The following LILRA2 variants were observed in gnomAD, a reference collection of about 807,000 sequenced individuals.
LILRA2 encodes the protein leukocyte immunoglobulin like receptor A2, also known as leukocyte immunoglobulin-like receptor subfamily A member 2.
A neutral mutation model predicts 47.9 loss-of-function variants in LILRA2; 45 were observed. That is an observed-to-expected ratio of 0.94 (90% CI 0.74 to 1.20). The LOEUF (loss-of-function observed/expected upper bound fraction) is 1.20, where lower values mean the gene tolerates loss of function less well. Among genes scored for constraint, LILRA2 ranks in the 50% most tolerant of loss-of-function variants. LILRA2 has a pLI of 0.00. For missense variants in LILRA2, 651 were observed against 598.2 expected, an observed-to-expected ratio of 1.09 and a Z score of -0.92; for synonymous variants, 279 against 249.2, an observed-to-expected ratio of 1.12 and a Z score of -1.13.
In LILRA2 at chr19:54,574,427, C is replaced by T. The variant is rs996076236; in HGVS notation, c.197C>T (p.Ser66Leu). 6.2e-7 allele frequency: 1 copy of T among 1,614,020 alleles called. No individual in the cohort carries two copies. The highest frequency in any genetic ancestry group is 8.5e-7 in the Non-Finnish European group (1 of 1,180,012). Residue 66 changes from serine to leucine, a missense_variant, in exon 3 of 8, where the codon TCA (serine) becomes TTA (leucine). Ser to Leu is a moderately radical substitution (Grantham distance 145). Transcript: ENST00000391738. The stretch of plus-strand genomic sequence containing the variant: ...TACCATCTATATAGGGAAAACAAAT[C>T]AGCATCCTGGGTTAGACGGATACAA... The part of the protein sequence containing the change: ...EEYHLYRENK[S>L]ASWVRRIQEP...
chr19:54,573,634 G>C (rs1238003572), upstream of LILRA2: 12 of 596,570 alleles, frequency 2.0e-5, no homozygotes, highest in South Asian at 2.3e-4. Flanking sequence ...TGGCTGGGGG[G>C]CAGGAAAGAC....
rs1186378981 is a variant in LILRA2 at position 54,575,432 on chromosome 19, G to A, written c.832G>A (p.Ala278Thr). Residue 278 changes from alanine (A) to threonine (T), a missense_variant, in exon 5 of 8, where the codon GCC (alanine) becomes ACC (threonine). Physicochemically the swap from Ala to Thr is moderately conservative, Grantham distance 58 (BLOSUM62 0). Transcript: ENST00000391738. ...GWQPQAGLSQ[A>T]NFTLGPVSPS... is the part of the protein sequence containing the mutation. The stretch of plus-strand genomic sequence containing the variant: ...GCAGCCCCAGGCTGGGCTCTCCCAG[G>A]CCAACTTCACCCTGGGCCCTGTGAG... The A allele has an allele frequency of 1.9e-6, 3 of 1,613,996 alleles. No individual in the cohort carries two copies. Among genetic ancestry groups the A allele is most frequent in the Non-Finnish European group, 2.5e-6 (3 of 1,179,972 alleles).
chr19:54,575,978 A>G lies in LILRA2; in HGVS notation c.1124A>G (p.Gln375Arg). 1.2e-6 allele frequency: 2 copies of G among 1,614,032 alleles called. No individual in the cohort carries two copies. The highest frequency in any genetic ancestry group is 1.7e-6 in the Non-Finnish European group (2 of 1,179,968). Residue 375 changes from glutamine to arginine, a missense_variant, in exon 6 of 8, where the codon CAG becomes CGG. Transcript: ENST00000391738. ...CTGAGATCAGAGCACCAAGCTCAGC[A>G]GAACCAGGCTGAATTCCGCATGGGT... ...LHLRSEHQAQ[Q>R]NQAEFRMGPV...
chr19:54,575,324 C>A lies in LILRA2; in HGVS notation c.724C>A (p.Leu242Ile). Reference sequence around the variant, plus strand: ...GGTGGCCCCTGGGGAGAGCCTGACCCTCCAGTGTGTCTCTGATGTCGGCTA... The same window carrying A: ...GGTGGCCCCTGGGGAGAGCCTGACCATCCAGTGTGTCTCTGATGTCGGCTA... ...PMVAPGESLT[L>I]QCVSDVGYDR... Residue 242 changes from leucine (L) to isoleucine (I), a missense_variant, in exon 5 of 8, where the codon CTC becomes ATC. By Grantham distance (5) the Leu-to-Ile change is conservative. Transcript: ENST00000391738. The A allele has an allele frequency of 6.6e-7, 1 of 1,525,200 alleles. No homozygotes were observed. Among genetic ancestry groups the A allele is most frequent in the East Asian group, 2.3e-5 (1 of 43,466 alleles). The allele number at this position is 1,525,200 out of a possible 1,614,324, so 94.5% of individuals were successfully genotyped here. A position where few individuals can be genotyped will look rare whatever the true frequency, so the allele number is the denominator to read the frequency against.
chr19:54,576,900 C>T (rs2062468815), intron 6 of LILRA2, among the ~76,000 whole-genome samples: 1 of 152,256 alleles, frequency 6.6e-6, no homozygotes, highest in Non-Finnish European at 1.5e-5. Flanking sequence ...CTGGACTCCT[C>T]ATCTGAATAA....
chr19:54,585,947 G>A (rs1327211545), intron 6 of LILRA2, among the ~76,000 whole-genome samples: 2 of 152,190 alleles, frequency 1.3e-5, no homozygotes, highest in Admixed American at 1.3e-4. Flanking sequence ...CCATGAGAAA[G>A]TGACTGGTTT....
At chr19:54,573,653 A>T (rs28384502), upstream of LILRA2, 561,619 of 842,056 alleles carry the variant, frequency 0.67, 178,133 homozygotes, top group African/African-American at 0.82. Flanking sequence ...ACCCCATTAC[A>T]GTCTGAAATG....
intron 6 of LILRA2, among the ~76,000 whole-genome samples, chr19:54,581,703 G>A (rs1181090355): frequency 6.6e-6 from 1 of 151,412 alleles, no homozygotes; most frequent in Non-Finnish European, 1.5e-5. Flanking sequence ...ATGCTCATGG[G>A]TAAGAAGAAT....
intron 6 of LILRA2, among the ~76,000 whole-genome samples, chr19:54,581,379 A>G (rs111615291): frequency 5.2e-5 from 4 of 77,502 alleles, no homozygotes; most frequent in Non-Finnish European, 9.9e-5. Flanking sequence ...TGATTTTTGT[A>G]TAAGGTGTAA....
intron 6 of LILRA2, among the ~76,000 whole-genome samples, chr19:54,576,778 A>G (rs112988430): frequency 0.039 from 5,755 of 149,130 alleles, 13 homozygotes; most frequent in South Asian, 0.11. Flanking sequence ...ACAGTCAGGT[A>G]CTTGGTCTAG....
Position 54,575,634 on chromosome 19 carries a change from T to A in LILRA2, c.952+82T>A. On this transcript the variant is annotated intron_variant, in intron 5 of 7. Coordinates refer to ENST00000391738, the MANE Select transcript of LILRA2 (RefSeq NM_001130917.3). ...GGAGCCCAGGTGGTGATGGCCGGAA[T>A]GAGGGTTGGGGGTCCCAAGGGAGGG... The A allele has an allele frequency of 1.9e-6, 3 of 1,575,652 alleles. No homozygotes were observed. The African/African-American group carries it at 4.1e-5, about 22-fold the overall frequency.
chr19:54,574,724 C>G lies in LILRA2; in HGVS notation c.353-7C>G, dbSNP rs534617552. On this transcript the variant is annotated splice_polypyrimidine_tract_variant and splice_region_variant and intron_variant, in intron 3 of 7. Coordinates refer to ENST00000391738, the MANE Select transcript of LILRA2 (RefSeq NM_001130917.3). ...CCCATTTAACACAGTGCCTCCTTCT[C>G]TCCTAGGAGCCTACAGCAAACCCAC... 1 of 1,613,832 alleles carries G rather than the reference C, an allele frequency of 6.2e-7. No homozygotes were observed. Among genetic ancestry groups the G allele is most frequent in the Middle Eastern group, 1.7e-4 (1 of 6,060 alleles).
rs762132753 is a variant in LILRA2 at position 54,576,122 on chromosome 19, A to C, written c.1255+13A>C. On this transcript the variant is annotated intron_variant, in intron 6 of 7. Transcript: ENST00000391738. The stretch of plus-strand genomic sequence containing the variant: ...CTCGTGGTCTCAGGTGAGGGCCCTG[A>C]TCTTGTCCTCTCCGAGCTCAAAGGC... 6.2e-7 allele frequency: 1 copy of C among 1,613,598 alleles called. No homozygotes were observed. The highest frequency in any genetic ancestry group is 8.5e-7 in the Non-Finnish European group (1 of 1,179,548).
chr19:54,576,521 T>A (rs1410080310), intron 6 of LILRA2, among the ~76,000 whole-genome samples: 1 of 152,286 alleles, frequency 6.6e-6, no homozygotes, highest in East Asian at 1.9e-4. Context: ...CTCATCTCAA[T>A]GCTACCTCCA....
intron 6 of LILRA2, among the ~76,000 whole-genome samples, chr19:54,585,847 A>T (rs1231880627): frequency 6.6e-6 from 1 of 152,194 alleles, no homozygotes; most frequent in Non-Finnish European, 1.5e-5. Context: ...CCTCAGTTGG[A>T]AATGCAGAAA....
In LILRA2 at chr19:54,575,913, C is replaced by T; in HGVS notation, c.1059C>T (p.Phe353=). Residue 353 remains phenylalanine (F), a synonymous_variant, in exon 6 of 8, where the codon TTC becomes TTT. Transcript: ENST00000391738. ...LCQSRGQFHT[F]LLTKEGAGHP... Reference sequence around the variant, plus strand: ...AGTCACGGGGGCAGTTCCACACTTTCCTTCTGACCAAGGAGGGGGCAGGCC... The same window carrying T: ...AGTCACGGGGGCAGTTCCACACTTTTCTTCTGACCAAGGAGGGGGCAGGCC... The T allele has an allele frequency of 1.9e-6, 3 of 1,614,010 alleles. No individual in the cohort carries two copies. Among genetic ancestry groups the T allele is most frequent in the Non-Finnish European group, 2.5e-6 (3 of 1,179,970 alleles).
rs1327984661 is a variant in LILRA2 at position 54,573,813 on chromosome 19, G to T, written c.-66G>T. The T allele has an allele frequency of 1.9e-6, 3 of 1,605,556 alleles. No homozygotes were observed. Among genetic ancestry groups the T allele is most frequent in the Non-Finnish European group, 2.5e-6 (3 of 1,176,656 alleles). ...GCCTCCGAGTGTCCACACCCTGTGC[G>T]TCTCTCTGTCCTGCCAGCACTGAGG... On this transcript the variant is annotated 5_prime_UTR_variant, in exon 1 of 8. Coordinates refer to ENST00000391738, the MANE Select transcript of LILRA2 (RefSeq NM_001130917.3).
At position 54,573,856 on chromosome 19, in the gene LILRA2, G is replaced by A; in HGVS notation, c.-23G>A. 1 of 1,614,126 alleles carries A rather than the reference G, an allele frequency of 6.2e-7. No homozygotes were observed. The highest frequency in any genetic ancestry group is 8.5e-7 in the Non-Finnish European group (1 of 1,179,996). ...CACTGAGGGCTCATCCATCCGCAGA[G>A]CAGGGCAGTGGGAGGAGACGCCATG... On this transcript the variant is annotated 5_prime_UTR_variant, in exon 1 of 8. Coordinates refer to ENST00000391738, the MANE Select transcript of LILRA2 (RefSeq NM_001130917.3).
chr19:54,579,448 G>C (rs772372782), intron 6 of LILRA2, among the ~76,000 whole-genome samples: 36 of 152,234 alleles, frequency 2.4e-4, no homozygotes, highest in Admixed American at 1.7e-3. Flanking sequence ...TGAGGGCTCT[G>C]TTCTGTTCCA....
Sources: allele counts gnomAD v4.1 joint callset (sites outside exome capture counted in the v4.1 genomes callset), GRCh38; gene constraint gnomAD v4.1.1; transcripts MANE v1.5; gene names NCBI Gene and HGNC (gene_info 2026-07-23, HGNC 2026-07-21).